Variants in ADARB2 observed in about 807,000 individuals in gnomAD.
The protein encoded by ADARB2 is adenosine deaminase RNA specific B2 (inactive).
ADARB2 carries 25 observed loss-of-function variants against 62.2 expected under a neutral mutation model. The observed-to-expected ratio is 0.40, with a 90% confidence interval of 0.29 to 0.56. The LOEUF is 0.56. Ranked by LOEUF, ADARB2 falls within the 20% of genes least tolerant of loss-of-function variation. The pLI, the probability that ADARB2 is intolerant of heterozygous loss-of-function variation, is 0.43. For missense variants in ADARB2, 1,071 were observed against 1,077.4 expected (o/e 0.99, Z 0.08); for synonymous variants, 572 against 500.8 (o/e 1.14, Z -1.90).
rs150284136 is a variant in ADARB2 at position 1,606,081 on chromosome 10, C to T, written c.100+130970G>A. ...ATATTTCTTTCACGTGAAAATTACA[C>T]GCAATTCAAGATCATTCCCGTTGGT... On this transcript the variant is annotated intron_variant, in intron 1 of 9. Coordinates refer to ENST00000381312, the MANE Select transcript of ADARB2 (RefSeq NM_018702.4). Among the ~76,000 whole-genome samples the T allele has an allele frequency of 1.5e-3, 225 of 152,280 alleles. 2 individuals carry two copies. The Middle Eastern group carries it at 0.031, about 21-fold the overall frequency.
intron 3 of ADARB2, among the ~76,000 whole-genome samples, chr10:1,307,623 CTGCACACGTAT>C (rs911631727): frequency 7.9e-5 from 11 of 139,876 alleles, no homozygotes; most frequent in African/African-American, 3.0e-4. Context: ...ATAAAGACAC[CTGCACACGTAT>C]GTTTATTGTG....
intron 4 of ADARB2, among the ~76,000 whole-genome samples, chr10:1,265,175 C>T (rs1464838272): frequency 6.6e-6 from 1 of 152,238 alleles, no homozygotes; most frequent in East Asian, 1.9e-4. Context: ...TCTTCATCTT[C>T]GTGTCTGCAT....
At chr10:1,631,068 G>A (rs1455092205) in intron 1 of ADARB2, among the ~76,000 whole-genome samples, 1 of 152,200 alleles carries the variant, frequency 6.6e-6, no homozygotes. Context: ...ACCACCCGCG[G>A]TGAAGTGTGG....
chr10:1,288,634 C>A (rs758983900), intron 3 of ADARB2, among the ~76,000 whole-genome samples: 1 of 152,208 alleles, frequency 6.6e-6, no homozygotes, highest in East Asian at 1.9e-4. Context: ...CTCCCACCCT[C>A]AGATGAGATG....
intron 1 of ADARB2, among the ~76,000 whole-genome samples, chr10:1,528,916 C>T (rs1049752488): frequency 2.6e-5 from 4 of 152,074 alleles, no homozygotes; most frequent in African/African-American, 9.7e-5. Context: ...ACTCGTCCTG[C>T]CCCTGTGGTC....
At chr10:1,298,354 C>G (rs984390316) in intron 3 of ADARB2, among the ~76,000 whole-genome samples, 2 of 152,146 alleles carry the variant, frequency 1.3e-5, no homozygotes, top group Non-Finnish European at 2.9e-5. Flanking sequence ...AGTGGCTGGA[C>G]TTAAGGGTTT....
chr10:1,631,852 A>G (rs1030446145), intron 1 of ADARB2, among the ~76,000 whole-genome samples: 1 of 152,234 alleles, frequency 6.6e-6, no homozygotes, highest in African/African-American at 2.4e-5. Context: ...CTGGAAATGT[A>G]TAGTGTCATA....
chr10:1,699,652 G>A (rs192428589), intron 1 of ADARB2, among the ~76,000 whole-genome samples: 680 of 33,860 alleles, frequency 0.02, 1 homozygote, highest in Non-Finnish European at 0.024. Context: ...GAGACCAGGC[G>A]CTAGTCAATA....
intron 1 of ADARB2, among the ~76,000 whole-genome samples, chr10:1,732,841 G>T (rs544065123): frequency 1.3e-5 from 2 of 152,316 alleles, no homozygotes; most frequent in East Asian, 1.9e-4. Flanking sequence ...GCAAGCCGGC[G>T]TCTGCCATCC....
chr10:1,603,645 T>C (rs996455353), intron 1 of ADARB2, among the ~76,000 whole-genome samples: 3 of 151,764 alleles, frequency 2.0e-5, no homozygotes, highest in African/African-American at 7.3e-5. Context: ...GCTCACAGTA[T>C]GTACAGTGGT....
chr10:1,359,791 A>C (rs1832234545), intron 3 of ADARB2, among the ~76,000 whole-genome samples: 1 of 152,194 alleles, frequency 6.6e-6, no homozygotes, highest in African/African-American at 2.4e-5. Flanking sequence ...GGCTCTCAAC[A>C]GTGTGGGTCT....
At chr10:1,433,682 G>A (rs1419597078) in intron 1 of ADARB2, among the ~76,000 whole-genome samples, 1 of 152,166 alleles carries the variant, frequency 6.6e-6, no homozygotes, top group African/African-American at 2.4e-5. Flanking sequence ...CCTGAGTTGG[G>A]ATGAGGACTG....
chr10:1,558,125 G>T (rs1015645593), intron 1 of ADARB2, among the ~76,000 whole-genome samples: 7 of 152,008 alleles, frequency 4.6e-5, no homozygotes, highest in African/African-American at 1.7e-4. Context: ...CGTGACTCTG[G>T]AACCCTCACG....
chr10:1,526,015 T>TTGTGTATGTGTGTATG (rs1390914790), intron 1 of ADARB2, among the ~76,000 whole-genome samples: 2 of 152,086 alleles, frequency 1.3e-5, no homozygotes, highest in Non-Finnish European at 2.9e-5. Context: ...ATGCACGTGT[T>TTGTGTATGTGTGTATG]TGTGTATGTG....
chr10:1,353,328 T>G (rs546376144), intron 3 of ADARB2, among the ~76,000 whole-genome samples: 1 of 152,316 alleles, frequency 6.6e-6, no homozygotes, highest in East Asian at 1.9e-4. Context: ...CCTAGCCGCT[T>G]CTAATCCCTC....
chr10:1,330,278 A>G lies in ADARB2; in HGVS notation c.1077+32750T>C, dbSNP rs561093334. On this transcript the variant is annotated intron_variant, in intron 3 of 9. Transcript: ENST00000381312. Reference sequence around the variant, plus strand: ...TTAGGCTGGCCATGGTCATGGCCTCAGGGCACCATGCTTGGAGCTGGTGAC... The same window carrying G: ...TTAGGCTGGCCATGGTCATGGCCTCGGGGCACCATGCTTGGAGCTGGTGAC... 4.6e-5 allele frequency among the ~76,000 whole-genome samples: 7 copies of G among 152,288 alleles called. No individual in the cohort carries two copies. The East Asian group carries it at 1.4e-3, about 29-fold the overall frequency.
chr10:1,619,234 C>A (rs1356616099), intron 1 of ADARB2, among the ~76,000 whole-genome samples: 1 of 149,520 alleles, frequency 6.7e-6, no homozygotes, highest in African/African-American at 2.5e-5. Context: ...TAAGATTTAG[C>A]TACATGCTGT....
chr10:1,576,733 C>T (rs898182963), intron 1 of ADARB2, among the ~76,000 whole-genome samples: 10 of 152,176 alleles, frequency 6.6e-5, no homozygotes, highest in Non-Finnish European at 1.0e-4. Context: ...AGCTTTGAGC[C>T]CTGAAACCCA....
At chr10:1,402,193 C>G (rs1237129943) in intron 1 of ADARB2, among the ~76,000 whole-genome samples, 2 of 152,188 alleles carry the variant, frequency 1.3e-5, no homozygotes, top group Non-Finnish European at 2.9e-5. Context: ...GTGCTGAGCC[C>G]CAGGATGAGG....
Sources: gnomAD v4.1 joint callset for allele counts (sites outside exome capture counted in the v4.1 genomes callset) on GRCh38, gnomAD v4.1.1 for gene constraint, MANE v1.5 for transcripts, NCBI Gene and HGNC (gene_info 2026-07-23, HGNC 2026-07-21) for gene names.